Variants in WDFY2 observed in about 807,000 individuals in gnomAD.
The protein encoded by WDFY2 is WD repeat and FYVE domain containing 2.
WDFY2 carries 36 observed loss-of-function variants against 56.4 expected under a neutral mutation model. That is an observed-to-expected ratio of 0.64 (90% CI 0.49 to 0.84). The LOEUF is 0.84. Among genes scored for constraint, WDFY2 ranks in the 40% least tolerant of loss-of-function variants. The pLI, the probability that WDFY2 is intolerant of heterozygous loss-of-function variation, is 0.00. For missense variants in WDFY2, 444 were observed against 512.2 expected (o/e 0.87, Z 1.29); for synonymous variants, 176 against 183.7 (o/e 0.96, Z 0.34).
chr13:51,699,264 C>A (rs2138572731), intron 3 of WDFY2, among the ~76,000 whole-genome samples: 2 of 152,342 alleles, frequency 1.3e-5, no homozygotes, highest in Admixed American at 1.3e-4. Context: ...TGGGAGACAG[C>A]TGGCAGATAA....
At chr13:51,694,595 C>G (rs1312419656) in intron 3 of WDFY2, among the ~76,000 whole-genome samples, 5 of 152,182 alleles carry the variant, frequency 3.3e-5, no homozygotes, top group Non-Finnish European at 7.3e-5. Flanking sequence ...CCCGACCTTT[C>G]TCTCTGGCTG....
At chr13:51,666,232 T>C (rs1955697990) in intron 2 of WDFY2, among the ~76,000 whole-genome samples, 1 of 152,234 alleles carries the variant, frequency 6.6e-6, no homozygotes, top group Non-Finnish European at 1.5e-5. Context: ...GTGTTAGCCC[T>C]CTGCAGAAAT....
intron 4 of WDFY2, among the ~76,000 whole-genome samples, chr13:51,706,818 A>T (rs1353584893): frequency 3.3e-5 from 5 of 152,188 alleles, no homozygotes; most frequent in Non-Finnish European, 7.3e-5. Context: ...CATTTTTTTT[A>T]AATTGTAAAA....
At chr13:51,704,649 T>C (rs1038850164) in intron 4 of WDFY2, among the ~76,000 whole-genome samples, 4 of 152,210 alleles carry the variant, frequency 2.6e-5, no homozygotes, top group African/African-American at 9.6e-5. Context: ...CAATCTTGAG[T>C]GTTCTGCTCT....
At chr13:51,743,078 G>A (rs1191895965) in intron 7 of WDFY2, among the ~76,000 whole-genome samples, 1 of 152,240 alleles carries the variant, frequency 6.6e-6, no homozygotes, top group Non-Finnish European at 1.5e-5. Context: ...CAGTACAAAT[G>A]ACAGCTTTCT....
chr13:51,747,362 CCA>C (rs1185188732), intron 7 of WDFY2, among the ~76,000 whole-genome samples: 3 of 152,174 alleles, frequency 2.0e-5, no homozygotes, highest in African/African-American at 7.2e-5. Context: ...CAGGAAATCT[CCA>C]CAGTCTTCCA....
At chr13:51,602,246 T>C (rs1370833482) in intron 1 of WDFY2, among the ~76,000 whole-genome samples, 3 of 152,230 alleles carry the variant, frequency 2.0e-5, no homozygotes, top group Non-Finnish European at 4.4e-5. Flanking sequence ...TATTGCCTAG[T>C]GACATTGTAG....
At chr13:51,698,019 G>A (rs555192502) in intron 3 of WDFY2, among the ~76,000 whole-genome samples, 34 of 152,248 alleles carry the variant, frequency 2.2e-4, no homozygotes, top group Non-Finnish European at 2.5e-4. Flanking sequence ...TAATAACTCA[G>A]TCCTCATACA....
intron 1 of WDFY2, among the ~76,000 whole-genome samples, chr13:51,628,293 CA>C (rs1172541631): frequency 6.6e-6 from 1 of 152,244 alleles, no homozygotes. Flanking sequence ...TGCTGGTGTG[CA>C]GTGCTGCCCC....
chr13:51,755,181 C>G (rs906924100), intron 8 of WDFY2, among the ~76,000 whole-genome samples, 177 bp from the exon 9 acceptor site: 12 of 152,168 alleles, frequency 7.9e-5, no homozygotes, highest in African/African-American at 2.9e-4. Flanking sequence ...CATCCCATCC[C>G]CAGGGCCTGC....
chr13:51,696,604 G>T (rs1244085943), intron 3 of WDFY2, among the ~76,000 whole-genome samples: 1 of 152,154 alleles, frequency 6.6e-6, no homozygotes, highest in African/African-American at 2.4e-5. Context: ...TTAAACAAAT[G>T]GTGCTGGAGC....
At chr13:51,597,277 C>T (rs569099846) in intron 1 of WDFY2, among the ~76,000 whole-genome samples, 1 of 152,274 alleles carries the variant, frequency 6.6e-6, no homozygotes, top group Non-Finnish European at 1.5e-5. Flanking sequence ...TTCCAGTGCT[C>T]ATAGGCACTT....
intron 3 of WDFY2, among the ~76,000 whole-genome samples, chr13:51,701,691 C>G (rs1951988138): frequency 6.6e-6 from 1 of 151,822 alleles, no homozygotes; most frequent in Non-Finnish European, 1.5e-5. Context: ...AAATGCAAAC[C>G]TCTATTACGT....
intron 1 of WDFY2, among the ~76,000 whole-genome samples, chr13:51,601,788 G>A (rs189705547): frequency 2.6e-4 from 39 of 152,254 alleles, no homozygotes; most frequent in Admixed American, 1.7e-3. Context: ...TCCACCTCAC[G>A]ATACAATGCC....
chr13:51,604,784 AG>A (rs1160089200), intron 1 of WDFY2, among the ~76,000 whole-genome samples: 3 of 152,346 alleles, frequency 2.0e-5, no homozygotes, highest in Admixed American at 1.3e-4. Context: ...ATAGAGTGTC[AG>A]GGGACATAAA....
chr13:51,759,180 C>A (rs1267726165), intron 11 of WDFY2, among the ~76,000 whole-genome samples: 1 of 152,106 alleles, frequency 6.6e-6, no homozygotes, highest in Non-Finnish European at 1.5e-5. Flanking sequence ...GACCCTGTCT[C>A]AAAATAATTA....
At chr13:51,694,288 T>G (rs1951813977) in intron 3 of WDFY2, among the ~76,000 whole-genome samples, 1 of 152,236 alleles carries the variant, frequency 6.6e-6, no homozygotes, top group African/African-American at 2.4e-5. Context: ...TTGATGGTCT[T>G]TACAATTTGG....
chr13:51,761,429 CTCAT>C lies in WDFY2; in HGVS notation c.*1664_*1667del, dbSNP rs888677629. The stretch of plus-strand genomic sequence containing the variant: ...CCTCCTAAGCACTTTACACGCACAG[CTCAT>C]TCAACCTCACGTGTCGGGAGCATCA... On this transcript the variant is annotated 3_prime_UTR_variant, in exon 12 of 12. Transcript: ENST00000298125. 1.3e-5 allele frequency: 2 copies of C among 152,240 alleles called. No homozygotes were observed. The highest frequency in any genetic ancestry group is 2.9e-5 in the Non-Finnish European group (2 of 68,052). 9.4% of individuals were successfully genotyped at this position (152,240 alleles called of 1,614,324 possible).
chr13:51,758,585 G>A (rs1312366589), intron 11 of WDFY2, among the ~76,000 whole-genome samples: 1 of 151,158 alleles, frequency 6.6e-6, no homozygotes, highest in East Asian at 1.9e-4. Context: ...TACCATTGAA[G>A]GTGAGTGTTT....
Sources: gnomAD v4.1 joint callset for allele counts (sites outside exome capture counted in the v4.1 genomes callset) on GRCh38, gnomAD v4.1.1 for gene constraint, MANE v1.5 for transcripts, NCBI Gene and HGNC (gene_info 2026-07-23, HGNC 2026-07-21) for gene names.